The following PDXK variants were observed in gnomAD, a reference collection of about 807,000 sequenced individuals.
PDXK encodes pyridoxal kinase.
In PDXK, 15 loss-of-function variants were observed where a neutral mutation model predicts 43.2. The observed-to-expected ratio is 0.35, with a 90% CI of 0.23 to 0.53. The LOEUF (loss-of-function observed/expected upper bound fraction) is 0.53. Among genes scored for constraint, PDXK ranks in the 20% least tolerant of loss-of-function variants. PDXK has a pLI of 0.92. For missense variants in PDXK, 343 were observed against 417.0 expected, an observed-to-expected ratio of 0.82 and a Z score of 1.54; for synonymous variants, 172 against 165.4, an observed-to-expected ratio of 1.04 and a Z score of -0.31.
intron 1 of PDXK, among the ~76,000 whole-genome samples, chr21:43,727,673 G>T (rs2083267966): frequency 6.6e-6 from 1 of 152,212 alleles, no homozygotes; most frequent in South Asian, 2.1e-4. Flanking sequence ...CTGTGCATGG[G>T]AGCGAGTTCC....
chr21:43,751,724 G>T (rs771274106), intron 7 of PDXK, among the ~76,000 whole-genome samples: 2 of 152,078 alleles, frequency 1.3e-5, no homozygotes, highest in Non-Finnish European at 2.9e-5. Flanking sequence ...GGCTCGAGGG[G>T]CCCATGCTGC....
rs1313773331 is a variant in PDXK at position 43,757,681 on chromosome 21, T to TC, written c.*1623dup. On this transcript the variant is annotated 3_prime_UTR_variant, in exon 11 of 11. Transcript: ENST00000291565. ...ACGAGCGTGCATCAGGGCGCCTGGCTCCCCCACCTCAGCCAGTGAGTCAGA... is the reference window on the plus strand; with the variant it reads ...ACGAGCGTGCATCAGGGCGCCTGGCTCCCCCCACCTCAGCCAGTGAGTCAGA... 1 of 149,636 alleles carries TC rather than the reference T, an allele frequency of 6.7e-6. No individual in the cohort carries two copies. The highest frequency in any genetic ancestry group is 1.5e-5 in the Non-Finnish European group (1 of 67,760). 9.3% of individuals were successfully genotyped at this position (149,636 alleles called of 1,614,324 possible). A position where few individuals can be genotyped will look rare whatever the true frequency, so the allele number is the denominator to read the frequency against.
rs377361040 is a variant in PDXK, at chr21:43,746,139, C to T, written c.378+14C>T. On this transcript the variant is annotated intron_variant, in intron 5 of 10. Coordinates refer to ENST00000291565, the MANE Select transcript of PDXK (RefSeq NM_003681.5). ...GAAGGCTCGATGGTGAGTAGTTTCA[C>T]GTGTGTGATTTAAAAGTGTGGTGAG... 40 of 1,605,856 alleles carry T rather than the reference C, an allele frequency of 2.5e-5. No individual in the cohort carries two copies. Among genetic ancestry groups the T allele is most frequent in the Middle Eastern group, 1.7e-4 (1 of 6,042 alleles).
rs201509716 is a variant in PDXK, at chr21:43,752,572, G to A, written c.565G>A (p.Asp189Asn). 2.4e-5 allele frequency: 38 copies of A among 1,613,018 alleles called. No homozygotes were observed. The highest frequency in any genetic ancestry group is 2.0e-5 in the Non-Finnish European group (24 of 1,179,918). The change falls in exon 8 of 11, where the codon GAC becomes AAC. Residue 189 changes from aspartate (D) to asparagine (N), a missense_variant. Physicochemically the swap from Asp to Asn is conservative, Grantham distance 23 (BLOSUM62 1). Transcript: ENST00000291565. The part of the protein sequence containing the change: ...GPDTVVITSS[D>N]LPSPQGSNYL... Reference sequence around the variant, plus strand: ...CGACACCGTGGTCATCACCAGCTCCGACCTGCCCTCCCCGCAGGGCAGCAA... The same window carrying A: ...CGACACCGTGGTCATCACCAGCTCCAACCTGCCCTCCCCGCAGGGCAGCAA...
chr21:43,741,462 C>T (rs569863528), intron 2 of PDXK: 1 of 1,051,386 alleles, frequency 9.5e-7, no homozygotes, highest in Non-Finnish European at 1.2e-6. Flanking sequence ...GCGGGGGGCT[C>T]GCGGGGGGCT....
chr21:43,731,256 T>G (rs944754910), intron 1 of PDXK, among the ~76,000 whole-genome samples: 39 of 152,230 alleles, frequency 2.6e-4, no homozygotes, highest in African/African-American at 9.2e-4. Context: ...TCTTTTAACT[T>G]CCAATCTCTG....
intron 1 of PDXK, among the ~76,000 whole-genome samples, chr21:43,724,698 T>C (rs1366456476): frequency 6.7e-6 from 1 of 150,064 alleles, no homozygotes; most frequent in Non-Finnish European, 1.5e-5. Flanking sequence ...AAAAAAAAGC[T>C]GGCTATGTGA....
chr21:43,723,916 G>C lies in PDXK; in HGVS notation c.87+4535G>C, dbSNP rs2083228817. The C allele has an allele frequency of 6.6e-6, 1 of 152,298 alleles. No individual in the cohort carries two copies. The highest frequency in any genetic ancestry group is 1.5e-5 in the Non-Finnish European group (1 of 68,074). The allele number at this position is 152,298 out of a possible 1,614,324, so 9.4% of individuals were successfully genotyped here. A position where few individuals can be genotyped will look rare whatever the true frequency, so the allele number is the denominator to read the frequency against. ...AGTGCAGGTGCGCTTTCACAGGGCC[G>C]CTCCTAGGGAGGAGGTTGTGGACAT... On this transcript the variant is annotated intron_variant, in intron 1 of 10. Transcript: ENST00000291565. The surrounding 1 kb of genome is among the most constrained non-coding windows in gnomAD (Gnocchi z 4.1).
rs532312488 is a variant in PDXK, at chr21:43,743,088, C to G, written c.248-636C>G. Among the ~76,000 whole-genome samples, 300 of 146,974 alleles carry G rather than the reference C, an allele frequency of 2.0e-3. 1 individual carries two copies. The highest frequency in any genetic ancestry group is 7.0e-3 in the African/African-American group (277 of 39,322). ...CCAGCTCCTGAGCACTGTGGGGACA[C>G]CTCACCTGCACCCACCTCCCTCCCC... On this transcript the variant is annotated intron_variant, in intron 3 of 10. Transcript: ENST00000291565.
intron 1 of PDXK, chr21:43,733,824 C>A: frequency 1.4e-6 from 1 of 700,524 alleles, no homozygotes; most frequent in African/African-American, 1.8e-5. Context: ...CGATGCCCTC[C>A]CGGGCTGGTT....
intron 2 of PDXK, among the ~76,000 whole-genome samples, chr21:43,740,774 C>T (rs1397021429): frequency 6.6e-6 from 1 of 151,840 alleles, no homozygotes; most frequent in East Asian, 1.9e-4. Context: ...CTTTCTCATT[C>T]ACATCTATCT....
chr21:43,720,817 C>T (rs368914175), intron 1 of PDXK, among the ~76,000 whole-genome samples: 1 of 152,190 alleles, frequency 6.6e-6, no homozygotes, highest in African/African-American at 2.4e-5. Flanking sequence ...AGGACAGCGT[C>T]CACTCTCTTG....
At chr21:43,736,302 AG>A (rs904926515) in intron 2 of PDXK, among the ~76,000 whole-genome samples, 1 of 152,090 alleles carries the variant, frequency 6.6e-6, no homozygotes, top group African/African-American at 2.4e-5. Flanking sequence ...CCCTTGTTCC[AG>A]GGCTGCGCTC....
At chr21:43,748,966 C>T (rs759821632) in intron 5 of PDXK, 29 bp from the exon 6 acceptor site, 4 of 1,418,568 alleles carry the variant, frequency 2.8e-6, no homozygotes, top group South Asian at 1.2e-5. Context: ...GGTGACTCAG[C>T]CTCTCCTCCT....
chr21:43,733,253 A>ACCCCCCCCCCCC (rs1226314950), intron 1 of PDXK, among the ~76,000 whole-genome samples: 4 of 56,166 alleles, frequency 7.1e-5, no homozygotes, highest in African/African-American at 2.6e-4. Context: ...CCCCATCCCC[A>ACCCCCCCCCCCC]CCCCCCCCCC....
Position 43,741,681 on chromosome 21 carries a change from A to C in PDXK, c.157A>C (p.Lys53Gln). The change falls in exon 3 of 11, where the codon AAG becomes CAG. Residue 53 changes from lysine to glutamine, a missense_variant. Transcript: ENST00000291565. The part of the protein sequence containing the change: ...FSNHTGYAHW[K>Q]GQVLNSDELQ... Reference sequence around the variant, plus strand: ...TCTGCCTCTAGGCTATGCCCACTGGAAGGGCCAAGTGCTGAATTCAGATGA... The same window carrying C: ...TCTGCCTCTAGGCTATGCCCACTGGCAGGGCCAAGTGCTGAATTCAGATGA... The C allele has an allele frequency of 6.2e-7, 1 of 1,612,360 alleles. No individual in the cohort carries two copies. The highest frequency in any genetic ancestry group is 8.5e-7 in the Non-Finnish European group (1 of 1,178,832).
chr21:43,739,715 G>A (rs1436734118), intron 2 of PDXK, among the ~76,000 whole-genome samples: 1 of 151,794 alleles, frequency 6.6e-6, no homozygotes, highest in Non-Finnish European at 1.5e-5. Flanking sequence ...AACATGTAGG[G>A]ATTATGGGAA....
rs1422999219 is a variant in PDXK at position 43,762,112 on chromosome 21, C to T, written c.*6049C>T. 2.6e-5 allele frequency: 4 copies of T among 153,528 alleles called. No individual in the cohort carries two copies. The allele number at this position is 153,528 out of a possible 1,614,324, so 9.5% of individuals were successfully genotyped here. A position where few individuals can be genotyped will look rare whatever the true frequency, so the allele number is the denominator to read the frequency against. ...TCAAAGCACCTGTCGCCTCCGTGGT[C>T]CCCCTGCTGAGGGAGTGCGGCCTCT... On this transcript the variant is annotated 3_prime_UTR_variant, in exon 11 of 11. Transcript: ENST00000291565.
intron 9 of PDXK, 45 bp downstream of exon 9, chr21:43,753,764 C>A: frequency 6.4e-7 from 1 of 1,570,422 alleles, no homozygotes; most frequent in Non-Finnish European, 8.7e-7. Flanking sequence ...TCCCACGGCA[C>A]CTCATGGGGA....
Sources: allele counts gnomAD v4.1 joint callset (sites outside exome capture counted in the v4.1 genomes callset), GRCh38; gene constraint gnomAD v4.1.1; non-coding constraint Gnocchi (gnomAD v3.1); transcripts MANE v1.5; gene names NCBI Gene and HGNC (gene_info 2026-07-23, HGNC 2026-07-21).